SPOPL: variants seen among roughly 807,000 people sequenced by gnomAD.
SPOPL encodes speckle-type POZ protein-like.
In SPOPL, 23 loss-of-function variants were observed where a neutral mutation model predicts 53.8. That is an observed-to-expected ratio of 0.43 (90% CI 0.31 to 0.61). The LOEUF (loss-of-function observed/expected upper bound fraction) is 0.61. Ranked by LOEUF, SPOPL falls within the 20% of genes least tolerant of loss-of-function variation. SPOPL has a pLI of 0.12. For synonymous variants in SPOPL, 164 were observed against 149.7 expected, an observed-to-expected ratio of 1.10 and a Z score of -0.70; for missense variants, 442 against 466.9, an observed-to-expected ratio of 0.95 and a Z score of 0.49.
chr2:138,572,227 G>T lies in SPOPL; in HGVS notation c.*3147G>T, dbSNP rs1685798765. 1 of 152,520 alleles carries T rather than the reference G, an allele frequency of 6.6e-6. No homozygotes were observed. The highest frequency in any genetic ancestry group is 2.4e-5 in the African/African-American group (1 of 41,422). 9.4% of individuals were successfully genotyped at this position (152,520 alleles called of 1,614,324 possible). A position where few individuals can be genotyped will look rare whatever the true frequency, so the allele number is the denominator to read the frequency against. ...TTTTCAAAAATGTGATCAATTTACT[G>T]CATGATGAAATGTGAAAACAGTGCC... On this transcript the variant is annotated 3_prime_UTR_variant, in exon 11 of 11. Transcript: ENST00000280098.
At chr2:138,536,385 G>T (rs1684936820) in intron 1 of SPOPL, among the ~76,000 whole-genome samples, 1 of 151,690 alleles carries the variant, frequency 6.6e-6, no homozygotes. Context: ...AGCCTCTGAT[G>T]TTGCACCTCT....
chr2:138,567,259 C>T (rs745736612), intron 10 of SPOPL, among the ~76,000 whole-genome samples: 19 of 151,470 alleles, frequency 1.3e-4, no homozygotes, highest in Non-Finnish European at 2.2e-4. Context: ...AACTAAATGC[C>T]GGAAATATTG....
At chr2:138,536,714 C>T (rs1321114632) in intron 1 of SPOPL, among the ~76,000 whole-genome samples, 1 of 152,120 alleles carries the variant, frequency 6.6e-6, no homozygotes, top group Admixed American at 6.5e-5. Flanking sequence ...TTCCTCCAGT[C>T]TCTTCTCATT....
chr2:138,551,089 G>T (rs1685305541), intron 4 of SPOPL, 35 bp downstream of exon 4: 1 of 1,607,798 alleles, frequency 6.2e-7, no homozygotes, highest in African/African-American at 1.3e-5. Context: ...AGACATTTCT[G>T]TATAACTACA....
At chr2:138,534,793 C>T (rs1279396034) in intron 1 of SPOPL, among the ~76,000 whole-genome samples, 1 of 152,142 alleles carries the variant, frequency 6.6e-6, no homozygotes, top group Non-Finnish European at 1.5e-5. Flanking sequence ...CTGGCAACTA[C>T]TAATCTGCTT....
intron 1 of SPOPL, among the ~76,000 whole-genome samples, chr2:138,540,021 GT>G (rs1685032898): frequency 6.6e-6 from 1 of 152,144 alleles, no homozygotes; most frequent in Non-Finnish European, 1.5e-5. Context: ...CCCATTTCTT[GT>G]TTTTGTCAGA....
intron 1 of SPOPL, among the ~76,000 whole-genome samples, chr2:138,546,521 T>A (rs963782552): frequency 6.6e-6 from 1 of 152,234 alleles, no homozygotes; most frequent in Admixed American, 6.5e-5. Flanking sequence ...GGGAGATCTT[T>A]GTCTTTGTTC....
chr2:138,556,741 T>G (rs1022156333), intron 5 of SPOPL, among the ~76,000 whole-genome samples: 17 of 152,222 alleles, frequency 1.1e-4, no homozygotes, highest in African/African-American at 3.6e-4. Flanking sequence ...CAATATCTTG[T>G]GGCTCCCATA....
At chr2:138,555,316 C>T (rs1685401198) in intron 5 of SPOPL, among the ~76,000 whole-genome samples, 1 of 152,084 alleles carries the variant, frequency 6.6e-6, no homozygotes, top group Non-Finnish European at 1.5e-5. Context: ...AACATATGAT[C>T]TTTGTGAAAT....
At chr2:138,514,574 A>G (rs749536926) in intron 1 of SPOPL, among the ~76,000 whole-genome samples, 4 of 152,164 alleles carry the variant, frequency 2.6e-5, no homozygotes, top group Admixed American at 6.5e-5. Context: ...ATGACTCTGT[A>G]TATCATGATT....
intron 8 of SPOPL, among the ~76,000 whole-genome samples, chr2:138,561,153 A>G (rs1364414887): frequency 6.6e-6 from 1 of 152,170 alleles, no homozygotes; most frequent in East Asian, 1.9e-4. Flanking sequence ...TGGGAGAGTA[A>G]CCTGTAAACT....
intron 5 of SPOPL, among the ~76,000 whole-genome samples, chr2:138,553,207 T>C (rs979187178): frequency 3.3e-5 from 5 of 152,114 alleles, no homozygotes; most frequent in African/African-American, 1.2e-4. Context: ...GACAAACTTA[T>C]AAGGTGTAAT....
At chr2:138,555,673 C>T (rs76843980) in intron 5 of SPOPL, among the ~76,000 whole-genome samples, 8,097 of 152,164 alleles carry the variant, frequency 0.053, 316 homozygotes, top group Middle Eastern at 0.14. Flanking sequence ...ATTCAGATTT[C>T]GAAAACTGGA....
At chr2:138,523,297 A>G (rs1304349971) in intron 1 of SPOPL, among the ~76,000 whole-genome samples, 1 of 152,140 alleles carries the variant, frequency 6.6e-6, no homozygotes, top group Non-Finnish European at 1.5e-5. Context: ...TCACAAGAAC[A>G]TCACGAAAAA....
At chr2:138,541,103 A>T (rs1217307423) in intron 1 of SPOPL, among the ~76,000 whole-genome samples, 2 of 152,188 alleles carry the variant, frequency 1.3e-5, no homozygotes, top group Admixed American at 6.6e-5. Context: ...CCACTTGTTC[A>T]TCATGGATAC....
chr2:138,538,259 T>C (rs1424254785), intron 1 of SPOPL, among the ~76,000 whole-genome samples: 1 of 152,174 alleles, frequency 6.6e-6, no homozygotes. Flanking sequence ...TCTATCTCTT[T>C]ATTGATCTTC....
At chr2:138,547,183 C>T (rs945114241) in intron 1 of SPOPL, among the ~76,000 whole-genome samples, 1 of 152,106 alleles carries the variant, frequency 6.6e-6, no homozygotes, top group South Asian at 2.1e-4. Context: ...CCAGACTGGT[C>T]TTGAACTCCT....
At chr2:138,527,341 C>T (rs1187633967) in intron 1 of SPOPL, among the ~76,000 whole-genome samples, 5 of 152,136 alleles carry the variant, frequency 3.3e-5, no homozygotes, top group Admixed American at 3.3e-4. Context: ...GATCACCTGT[C>T]AGATCAATAC....
At chr2:138,552,743 A>G in intron 5 of SPOPL, 62 bp downstream of exon 5, 1 of 1,528,924 alleles carries the variant, frequency 6.5e-7, no homozygotes, top group Non-Finnish European at 8.8e-7. Flanking sequence ...AAAAGTATAA[A>G]CTGGATTAAT....
Sources: allele counts gnomAD v4.1 joint callset (sites outside exome capture counted in the v4.1 genomes callset), GRCh38; gene constraint gnomAD v4.1.1; transcripts MANE v1.5; gene names NCBI Gene and HGNC (gene_info 2026-07-23, HGNC 2026-07-21).